The following PTPRD variants were observed in gnomAD, a reference collection of about 807,000 sequenced individuals.
PTPRD encodes the protein protein tyrosine phosphatase receptor type D.
A neutral mutation model predicts 214.5 loss-of-function variants in PTPRD; 34 were observed. The ratio of observed to expected loss-of-function variants is 0.16; its 90% CI spans 0.12 to 0.21. The LOEUF is 0.21. Ranked by LOEUF, PTPRD falls within the 10% of genes least tolerant of loss-of-function variation. The pLI is 1.00. For missense variants in PTPRD, 2,545 were observed against 2,398.7 expected (o/e 1.06, Z -1.27); for synonymous variants, 1,128 against 845.7 (o/e 1.33, Z -5.79).
At chr9:10,273,778 G>A (rs190078246) in intron 3 of PTPRD, among the ~76,000 whole-genome samples, 14 of 152,228 alleles carry the variant, frequency 9.2e-5, no homozygotes, top group Admixed American at 3.3e-4. Context: ...TGTAGACTAT[G>A]GTTATCAGGT....
chr9:8,743,284 T>C (rs1434271), intron 11 of PTPRD, among the ~76,000 whole-genome samples: 88,864 of 152,006 alleles, frequency 0.58, 26,978 homozygotes, highest in South Asian at 0.71. Context: ...TGGCTTGCCT[T>C]AAAAGTTTAG....
At chr9:9,379,052 T>C (rs375714403) in intron 9 of PTPRD, among the ~76,000 whole-genome samples, 2 of 151,702 alleles carry the variant, frequency 1.3e-5, no homozygotes, top group East Asian at 3.9e-4. Context: ...TCTGAGTCTT[T>C]GGTGTTATAA....
chr9:9,054,876 C>T (rs543220853), intron 10 of PTPRD, among the ~76,000 whole-genome samples: 14 of 152,214 alleles, frequency 9.2e-5, no homozygotes, highest in African/African-American at 3.4e-4. Flanking sequence ...TGCAAGGGAA[C>T]ACAAAGAAGA....
intron 5 of PTPRD, among the ~76,000 whole-genome samples, chr9:9,777,442 C>G (rs1431883739): frequency 6.6e-6 from 1 of 152,016 alleles, no homozygotes; most frequent in East Asian, 1.9e-4. Flanking sequence ...TGCTTGTAAT[C>G]CCAGCCATTT....
chr9:10,053,965 G>A (rs2097578648), intron 3 of PTPRD, among the ~76,000 whole-genome samples: 1 of 151,968 alleles, frequency 6.6e-6, no homozygotes, highest in African/African-American at 2.4e-5. Context: ...CATCATGTTG[G>A]CCAGGCTGGT....
rs2135658611 is a variant in PTPRD at position 8,389,342 on chromosome 9, T to G, written c.4276A>C (p.Ile1426Leu). The change falls in exon 37 of 46, where the codon ATT becomes CTT. Residue 1426 changes from isoleucine (I) to leucine (L), a missense_variant. Coordinates refer to ENST00000381196, the MANE Select transcript of PTPRD (RefSeq NM_002839.4). ...TCGGGGAGAGATCCCTGTGTTGCAA[T>G]ATAGGCATTTTGCTTCCTATACCCA... Reference protein sequence around the residue: ...IDGYRKQNAYIATQGSLPETF... With the variant: ...IDGYRKQNAYLATQGSLPETF... 1 of 1,613,102 alleles carries G rather than the reference T, an allele frequency of 6.2e-7. No individual in the cohort carries two copies. Among genetic ancestry groups the G allele is most frequent in the Non-Finnish European group, 8.5e-7 (1 of 1,179,354 alleles).
chr9:9,424,738 G>A (rs764870819), intron 8 of PTPRD, among the ~76,000 whole-genome samples: 1 of 152,096 alleles, frequency 6.6e-6, no homozygotes, highest in Non-Finnish European at 1.5e-5. Flanking sequence ...ACAACTGTTA[G>A]AATTAATAAA....
At chr9:9,761,108 T>A (rs953434957) in intron 6 of PTPRD, among the ~76,000 whole-genome samples, 1 of 152,226 alleles carries the variant, frequency 6.6e-6, no homozygotes. Context: ...CAAATGCTTA[T>A]ACATTAGTGT....
Position 9,627,540 on chromosome 9 carries a change from G to A in PTPRD, c.-286-52759C>T, listed in dbSNP as rs150602703. 5.5e-3 allele frequency among the ~76,000 whole-genome samples: 834 copies of A among 152,280 alleles called. 8 individuals carry two copies. Among genetic ancestry groups the A allele is most frequent in the African/African-American group, 0.019 (804 of 41,564 alleles). On this transcript the variant is annotated intron_variant, in intron 7 of 45. Transcript: ENST00000381196. ...TTCACAGTGTTTTCTCTTCTTCTCT[G>A]TAAGGTGGGGCTGGAGGGTGAGGTA...
At chr9:9,954,565 AAT>A (rs1431464274) in intron 4 of PTPRD, among the ~76,000 whole-genome samples, 1 of 82,960 alleles carries the variant, frequency 1.2e-5, no homozygotes, top group Non-Finnish European at 3.0e-5. Context: ...ATAATGCAGA[AAT>A]AGAAAATCTG....
chr9:8,676,840 C>G (rs905605696), intron 12 of PTPRD, among the ~76,000 whole-genome samples: 7 of 152,206 alleles, frequency 4.6e-5, no homozygotes, highest in Non-Finnish European at 1.0e-4. Context: ...TCCCAAAGGG[C>G]TGGGACTGCA....
chr9:8,818,601 T>C (rs555476265), intron 11 of PTPRD, among the ~76,000 whole-genome samples: 4 of 152,292 alleles, frequency 2.6e-5, no homozygotes, highest in Non-Finnish European at 4.4e-5. Context: ...AAAAGCCACA[T>C]AGTCAAAAAG....
intron 32 of PTPRD, among the ~76,000 whole-genome samples, chr9:8,462,106 A>G (rs1381545617): frequency 1.3e-5 from 2 of 152,010 alleles, no homozygotes; most frequent in Non-Finnish European, 2.9e-5. Flanking sequence ...CCAGATCTTC[A>G]TTTCCAATCA....
At chr9:9,293,892 C>T (rs563719790) in intron 9 of PTPRD, among the ~76,000 whole-genome samples, 71 of 150,514 alleles carry the variant, frequency 4.7e-4, no homozygotes, top group Admixed American at 4.6e-3. Context: ...ATCTTAGCAA[C>T]CTCAGCATTC....
At chr9:10,033,991 A>G (rs1401741884) in intron 3 of PTPRD, among the ~76,000 whole-genome samples, 1 of 152,160 alleles carries the variant, frequency 6.6e-6, no homozygotes, top group African/African-American at 2.4e-5. Flanking sequence ...ATTGTAGCCT[A>G]TAATATTTAA....
chr9:9,382,683 G>A (rs1008353331), intron 9 of PTPRD, among the ~76,000 whole-genome samples: 2 of 152,080 alleles, frequency 1.3e-5, no homozygotes, highest in Admixed American at 6.6e-5. Context: ...GAGAAATTGG[G>A]ACTCTTGCAC....
chr9:10,350,478 T>A (rs941409714), intron 2 of PTPRD, among the ~76,000 whole-genome samples: 3 of 152,252 alleles, frequency 2.0e-5, no homozygotes, highest in South Asian at 4.1e-4. Flanking sequence ...TCAAAAAAAA[T>A]TAAGCATTTA....
rs534004544 is a variant in PTPRD at position 9,773,100 on chromosome 9, A to AATTTT, written c.-367-6254_-367-6250dup. 2.1e-4 allele frequency among the ~76,000 whole-genome samples: 32 copies of AATTTT among 152,270 alleles called. No individual in the cohort carries two copies. The East Asian group carries it at 5.8e-3, about 28-fold the overall frequency. On this transcript the variant is annotated intron_variant, in intron 5 of 45. Transcript: ENST00000381196. ...CTTACTGTCATATGAATATCAAGTGAATTTTATGGTTTTAGATGAAGAGAT... is the reference window on the plus strand; with the variant it reads ...CTTACTGTCATATGAATATCAAGTGAATTTTATTTTATGGTTTTAGATGAAGAGAT...
At chr9:8,710,283 T>A (rs1015606273) in intron 12 of PTPRD, among the ~76,000 whole-genome samples, 5 of 152,150 alleles carry the variant, frequency 3.3e-5, no homozygotes, top group African/African-American at 9.7e-5. Context: ...TCAGCTCATG[T>A]TCATTAGCTA....
Sources: gnomAD v4.1 joint callset for allele counts (sites outside exome capture counted in the v4.1 genomes callset) on GRCh38, gnomAD v4.1.1 for gene constraint, MANE v1.5 for transcripts, NCBI Gene and HGNC (gene_info 2026-07-23, HGNC 2026-07-21) for gene names.